ATXN3: variants seen among roughly 807,000 people sequenced by gnomAD.
ATXN3 encodes ataxin 3, also known as ataxin-3.
A neutral mutation model predicts 58.2 loss-of-function variants in ATXN3; 28 were observed. That is an observed-to-expected ratio of 0.48 (90% confidence interval 0.36 to 0.66). The LOEUF is 0.66. ATXN3 is among the 30% of genes least tolerant of loss of function. The pLI is 0.00. For missense variants in ATXN3, 321 were observed against 422.1 expected (o/e 0.76, Z 2.10); for synonymous variants, 113 against 138.5 (o/e 0.82, Z 1.29).
At chr14:92,102,625 G>A (rs1436838947) in intron 1 of ATXN3, among the ~76,000 whole-genome samples, 1 of 152,176 alleles carries the variant, frequency 6.6e-6, no homozygotes, top group Non-Finnish European at 1.5e-5. Context: ...CTTACTATGA[G>A]GTTCAGCAAA....
intron 1 of ATXN3, among the ~76,000 whole-genome samples, chr14:92,101,756 G>T (rs958814416): frequency 4.6e-5 from 7 of 152,294 alleles, no homozygotes; most frequent in Admixed American, 4.6e-4. Flanking sequence ...TGCTCAGGAG[G>T]CTAAGGCAGG....
At chr14:92,097,342 C>T (rs1457520189) in intron 1 of ATXN3, among the ~76,000 whole-genome samples, 7 of 152,040 alleles carry the variant, frequency 4.6e-5, no homozygotes, top group Middle Eastern at 6.8e-3. Context: ...ATTCTCCTGC[C>T]TCAGCCTCTC....
chr14:92,081,166 T>C lies in ATXN3; in HGVS notation c.776-105A>G, dbSNP rs2061390071. The C allele has an allele frequency of 5.2e-6, 4 of 768,124 alleles. No individual in the cohort carries two copies. The Admixed American group carries it at 9.6e-5, about 18-fold the overall frequency. The allele number at this position is 768,124 out of a possible 1,614,324, so 47.6% of individuals were successfully genotyped here. A position where few individuals can be genotyped will look rare whatever the true frequency, so the allele number is the denominator to read the frequency against. ...TTGAGTAAGCCTTTAAAACGTTTTC[T>C]CTTTAAGAATATTCTACTCTTCTGG... is the stretch of plus-strand genomic sequence containing the variant. On this transcript the variant is annotated intron_variant, in intron 8 of 10. Coordinates refer to ENST00000644486, the MANE Select transcript of ATXN3 (RefSeq NM_004993.6).
rs1486430519 is a variant in ATXN3, at chr14:92,063,102, T to G, written c.*1218A>C. ...GAGAATATTTATCAAAACTATGGAC[T>G]TTCTTATTTATAGATCCACTAAGTA... On this transcript the variant is annotated 3_prime_UTR_variant, in exon 11 of 11. Coordinates refer to ENST00000644486, the MANE Select transcript of ATXN3 (RefSeq NM_004993.6). 1 of 152,670 alleles carries G rather than the reference T, an allele frequency of 6.6e-6. No individual in the cohort carries two copies. The highest frequency in any genetic ancestry group is 1.5e-5 in the Non-Finnish European group (1 of 68,042). 9.5% of individuals were successfully genotyped at this position (152,670 alleles called of 1,614,324 possible).
chr14:92,089,478 A>G (rs1057497081), intron 5 of ATXN3, among the ~76,000 whole-genome samples: 10 of 151,328 alleles, frequency 6.6e-5, no homozygotes, highest in Admixed American at 2.0e-4. Context: ...AGCTGGGACT[A>G]CAGGCGCACG....
chr14:92,104,101 G>A (rs1364183029), intron 1 of ATXN3, among the ~76,000 whole-genome samples: 1 of 152,226 alleles, frequency 6.6e-6, no homozygotes, highest in Non-Finnish European at 1.5e-5. Context: ...TGAAGTATCT[G>A]TAGGCCTATA....
intron 6 of ATXN3, among the ~76,000 whole-genome samples, chr14:92,083,893 A>G (rs1239258469): frequency 6.6e-6 from 1 of 152,194 alleles, no homozygotes; most frequent in Non-Finnish European, 1.5e-5. Context: ...GGCAGAAATA[A>G]GAGTGTGGAA....
At position 92,097,069 on chromosome 14, in the gene ATXN3, G is replaced by A. The variant is rs560791113; in HGVS notation, c.25-231C>T. ...ACTACAGGCACCCGCCACCACGCCC[G>A]GCTAAATTTTTGTATTTTTAGTAGA... On this transcript the variant is annotated intron_variant, in intron 1 of 10. Transcript: ENST00000644486. 23 of 414,424 alleles carry A rather than the reference G, an allele frequency of 5.5e-5. No individual in the cohort carries two copies. The East Asian group carries it at 6.3e-4, about 11-fold the overall frequency. The allele number at this position is 414,424 out of a possible 1,614,324, so 25.7% of individuals were successfully genotyped here.
chr14:92,106,463 G>T (rs1312038192), intron 1 of ATXN3, 66 bp downstream of exon 1: 1 of 1,605,360 alleles, frequency 6.2e-7, no homozygotes, highest in Non-Finnish European at 8.5e-7. Flanking sequence ...TCCGAGAGGC[G>T]GTGATGCCGC....
intron 9 of ATXN3, among the ~76,000 whole-genome samples, chr14:92,072,656 T>C (rs2059630203): frequency 1.7e-5 from 2 of 120,676 alleles, no homozygotes; most frequent in African/African-American, 3.3e-5. Context: ...AAACCAAAAC[T>C]TACAAACAGC....
rs2057635158 is a variant in ATXN3 at position 92,059,879 on chromosome 14, C to T, written c.*4441G>A. 1 of 151,430 alleles carries T rather than the reference C, an allele frequency of 6.6e-6. No individual in the cohort carries two copies. The allele number at this position is 151,430 out of a possible 1,614,324, so 9.4% of individuals were successfully genotyped here. Reference sequence around the variant, plus strand: ...AGAAAATAGCGGCCCAACGCCTCTTCGTTTCCGGATTAAAAAAAAACAAAC... The same window carrying T: ...AGAAAATAGCGGCCCAACGCCTCTTTGTTTCCGGATTAAAAAAAAACAAAC... On this transcript the variant is annotated 3_prime_UTR_variant, in exon 11 of 11. Coordinates refer to ENST00000644486, the MANE Select transcript of ATXN3 (RefSeq NM_004993.6).
chr14:92,097,586 C>T (rs1360022003), intron 1 of ATXN3, among the ~76,000 whole-genome samples: 1 of 150,668 alleles, frequency 6.6e-6, no homozygotes, highest in Non-Finnish European at 1.5e-5. Context: ...AGTGCAGTGG[C>T]ATGATCTCGG....
At chr14:92,084,699 C>G (rs1040033079) in intron 6 of ATXN3, among the ~76,000 whole-genome samples, 9 of 151,964 alleles carry the variant, frequency 5.9e-5, no homozygotes, top group African/African-American at 1.7e-4. Flanking sequence ...CCTGCCTCAG[C>G]CTCCTGAGTA....
intron 10 of ATXN3, among the ~76,000 whole-genome samples, chr14:92,065,829 C>T (rs1488403559): frequency 3.3e-5 from 5 of 151,962 alleles, no homozygotes; most frequent in South Asian, 2.1e-4. Context: ...TGCAGTAAGC[C>T]GAGATGGCGC....
rs578231955 is a variant in ATXN3 at position 92,096,578 on chromosome 14, C to T, written c.189+96G>A. 593 of 1,250,630 alleles carry T rather than the reference C, an allele frequency of 4.7e-4. 1 individual carries two copies. In the African/African-American group the frequency reaches 8.1e-3, roughly 17 times the overall value. The allele number at this position is 1,250,630 out of a possible 1,614,324, so 77.5% of individuals were successfully genotyped here. A position where few individuals can be genotyped will look rare whatever the true frequency, so the allele number is the denominator to read the frequency against. The stretch of plus-strand genomic sequence containing the variant: ...GGCAGAGGTTGCAGTGAGCCGAGAT[C>T]GCGCCATTGCACTCCAGCATGGGCA... On this transcript the variant is annotated intron_variant, in intron 2 of 10. Transcript: ENST00000644486.
At chr14:92,047,880 CAG>C (rs1030644830) in intron 2 of ATXN3, 4 of 152,148 alleles carry the variant, frequency 2.6e-5, no homozygotes, top group East Asian at 1.9e-4. Context: ...ATCGATTAAA[CAG>C]GGGATGGACC....
At position 92,063,376 on chromosome 14, in the gene ATXN3, A is replaced by C. The variant is rs1328487904; in HGVS notation, c.*944T>G. On this transcript the variant is annotated 3_prime_UTR_variant, in exon 11 of 11. Transcript: ENST00000644486. ...CTATTAAAATTGAAGGCCAAATTTC[A>C]TGTATCATACATTCATGGTGGGTAC... The C allele has an allele frequency of 1.3e-5, 2 of 152,212 alleles. No homozygotes were observed. The highest frequency in any genetic ancestry group is 4.8e-5 in the African/African-American group (2 of 41,456). The allele number at this position is 152,212 out of a possible 1,614,324, so 9.4% of individuals were successfully genotyped here.
chr14:92,088,076 T>C (rs1214784444), intron 6 of ATXN3, among the ~76,000 whole-genome samples: 7 of 147,888 alleles, frequency 4.7e-5, no homozygotes, highest in African/African-American at 9.8e-5. Flanking sequence ...TTTTCTTTTC[T>C]TTTTTTTTTT....
At chr14:92,091,989 T>C (rs1374676707) in intron 5 of ATXN3, among the ~76,000 whole-genome samples, 1 of 152,052 alleles carries the variant, frequency 6.6e-6, no homozygotes, top group Non-Finnish European at 1.5e-5. Context: ...AGCCACTGCA[T>C]CTGGCCTCTG....
Sources: gnomAD v4.1 joint callset for allele counts (sites outside exome capture counted in the v4.1 genomes callset) on GRCh38, gnomAD v4.1.1 for gene constraint, MANE v1.5 for transcripts, NCBI Gene and HGNC (gene_info 2026-07-23, HGNC 2026-07-21) for gene names.